The following PCDHGA9 variants were observed in gnomAD, a reference collection of about 807,000 sequenced individuals.
PCDHGA9 encodes protocadherin gamma subfamily A, 9.
Under a neutral mutation model 62.5 loss-of-function variants are expected in PCDHGA9, and 37 were observed. The observed-to-expected ratio is 0.59, with a 90% CI of 0.46 to 0.78. The LOEUF is 0.78. PCDHGA9 is among the 30% of genes least tolerant of loss of function. PCDHGA9 has a pLI of 0.00. For synonymous variants in PCDHGA9, 459 were observed against 484.6 expected (o/e 0.95, Z 0.69); for missense variants, 1,138 against 1,166.2 (o/e 0.98, Z 0.35).
intron 1 of PCDHGA9, among the ~76,000 whole-genome samples, chr5:141,492,394 G>C (rs2099740158): frequency 6.6e-6 from 1 of 152,220 alleles, no homozygotes; most frequent in African/African-American, 2.4e-5. Context: ...CGGTCCACTC[G>C]CAGCTCCCCT....
intron 1 of PCDHGA9, among the ~76,000 whole-genome samples, chr5:141,454,476 A>G (rs918910449): frequency 6.6e-6 from 1 of 151,806 alleles, no homozygotes; most frequent in Non-Finnish European, 1.5e-5. Flanking sequence ...GCATGATCTC[A>G]GCTCACCGCA....
chr5:141,473,680 C>T (rs888876529), intron 1 of PCDHGA9, among the ~76,000 whole-genome samples: 3 of 152,100 alleles, frequency 2.0e-5, no homozygotes, highest in Non-Finnish European at 2.9e-5. Flanking sequence ...CAGGGAAGGG[C>T]TGGGGTTCTG....
chr5:141,487,033 A>T lies in PCDHGA9; in HGVS notation c.2425-7774A>T, dbSNP rs1465525110. ...AGGCCCCAGATCCCAGCCTGTTTGC[A>T]GTCTCTCGATATGCTGGGGAGGTGC... On this transcript the variant is annotated intron_variant, in intron 1 of 3. Coordinates refer to ENST00000573521, the MANE Select transcript of PCDHGA9 (RefSeq NM_018921.3). This position sits in a 1 kb window ranked among gnomAD's most constrained non-coding sequence, Gnocchi z 5.0. The T allele has an allele frequency of 6.2e-7, 1 of 1,614,042 alleles. No homozygotes were observed. The highest frequency in any genetic ancestry group is 8.5e-7 in the Non-Finnish European group (1 of 1,180,040).
At chr5:141,408,632 G>C (rs2154540395) in intron 1 of PCDHGA9, 3 of 1,613,952 alleles carry the variant, frequency 1.9e-6, no homozygotes, top group Non-Finnish European at 1.7e-6. Flanking sequence ...AGAAATTTTC[G>C]AATCTGCATC....
intron 1 of PCDHGA9, chr5:141,409,515 T>C (rs1273041163): frequency 5.0e-6 from 8 of 1,613,844 alleles, no homozygotes; most frequent in Non-Finnish European, 6.8e-6. Context: ...AGTAGAAGCA[T>C]CACCTTGTAT....
At chr5:141,467,055 C>CTTTTTTTTTTTT (rs1193465269) in intron 1 of PCDHGA9, among the ~76,000 whole-genome samples, 1 of 134,498 alleles carries the variant, frequency 7.4e-6, no homozygotes. Context: ...TCAATGTTTT[C>CTTTTTTTTTTTT]TTTTTTTTTT....
Position 141,404,943 on chromosome 5 carries a change from T to C in PCDHGA9, c.1991T>C (p.Ile664Thr). 2 of 1,613,914 alleles carry C rather than the reference T, an allele frequency of 1.2e-6. No homozygotes were observed. Among genetic ancestry groups the C allele is most frequent in the Non-Finnish European group, 8.5e-7 (1 of 1,179,864 alleles). Residue 664 changes from isoleucine (I) to threonine (T), a missense_variant, in exon 1 of 4, where the codon ATA becomes ACA. By Grantham distance (89) the Ile-to-Thr change is moderately conservative. Transcript: ENST00000573521. ...GCCACTGTCACGCTCACAGTAGCCA[T>C]AGCTGACAGCATCCCAGACATCCTG... Reference protein sequence around the residue: ...LSATVTLTVAIADSIPDILAD... With the variant: ...LSATVTLTVATADSIPDILAD...
intron 1 of PCDHGA9, chr5:141,409,727 G>A (rs1000014772): frequency 6.2e-7 from 1 of 1,613,158 alleles, no homozygotes; most frequent in South Asian, 1.1e-5. Context: ...GTCAGTGAGC[G>A]CGCAGAGCGG....
In PCDHGA9 at chr5:141,489,801, T is replaced by C. The variant is rs201458939; in HGVS notation, c.2425-5006T>C. 6.2e-7 allele frequency: 1 copy of C among 1,614,148 alleles called. No homozygotes were observed. On this transcript the variant is annotated intron_variant, in intron 1 of 3. Coordinates refer to ENST00000573521, the MANE Select transcript of PCDHGA9 (RefSeq NM_018921.3). The surrounding 1 kb of genome is among the most constrained non-coding windows in gnomAD (Gnocchi z 4.5). The stretch of plus-strand genomic sequence containing the variant: ...CTCTGAATGTGAAGACCCTAAAAGA[T>C]GGGAAGCCATTCCCAGAGCTGGTGC...
chr5:141,416,532 A>T (rs3806830), intron 1 of PCDHGA9: 1 of 152,142 alleles, frequency 6.6e-6, no homozygotes, highest in Non-Finnish European at 1.5e-5. Context: ...TCTTTAATGT[A>T]TAAGGAGGCA....
Position 141,477,898 on chromosome 5 carries a change from A to G in PCDHGA9, c.2425-16909A>G. 1 of 1,614,158 alleles carries G rather than the reference A, an allele frequency of 6.2e-7. No homozygotes were observed. Among genetic ancestry groups the G allele is most frequent in the Middle Eastern group, 1.6e-4 (1 of 6,062 alleles). ...CTGGCCACCTAGTGTCACGGGTGGTAGGCTGGGACGCGGATGCAGGGCACA... is the reference window on the plus strand; with the variant it reads ...CTGGCCACCTAGTGTCACGGGTGGTGGGCTGGGACGCGGATGCAGGGCACA... On this transcript the variant is annotated intron_variant, in intron 1 of 3. Coordinates refer to ENST00000573521, the MANE Select transcript of PCDHGA9 (RefSeq NM_018921.3). This position sits in a 1 kb window ranked among gnomAD's most constrained non-coding sequence, Gnocchi z 4.9.
At chr5:141,437,654 A>C (rs185455660) in intron 1 of PCDHGA9, among the ~76,000 whole-genome samples, 1 of 152,256 alleles carries the variant, frequency 6.6e-6, no homozygotes, top group African/African-American at 2.4e-5. Context: ...GCAAACACAT[A>C]GTTTCGAAGA....
intron 1 of PCDHGA9, among the ~76,000 whole-genome samples, chr5:141,430,143 A>C (rs1451633366): frequency 2.0e-5 from 3 of 152,180 alleles, no homozygotes; most frequent in Non-Finnish European, 4.4e-5. Flanking sequence ...TCCATTCAGG[A>C]TCATTCAAGG....
chr5:141,469,376 A>T (rs572466149), intron 1 of PCDHGA9, among the ~76,000 whole-genome samples: 1 of 152,232 alleles, frequency 6.6e-6, no homozygotes, highest in East Asian at 1.9e-4. Flanking sequence ...AGAGATCGAG[A>T]CCATCCTGGC....
At chr5:141,414,363 T>C in intron 1 of PCDHGA9, 3 of 1,613,910 alleles carry the variant, frequency 1.9e-6, no homozygotes, top group Non-Finnish European at 1.7e-6. Context: ...ATCTACCATT[T>C]AAATTAGAAA....
At chr5:141,467,360 C>T (rs965838962) in intron 1 of PCDHGA9, among the ~76,000 whole-genome samples, 3 of 152,010 alleles carry the variant, frequency 2.0e-5, no homozygotes, top group Non-Finnish European at 4.4e-5. Context: ...GCCAAATCAA[C>T]GTTTTCTTAT....
intron 1 of PCDHGA9, among the ~76,000 whole-genome samples, chr5:141,438,633 T>C (rs1222106413): frequency 2.9e-5 from 1 of 34,046 alleles, no homozygotes; most frequent in Non-Finnish European, 5.1e-5. Context: ...TATATATATA[T>C]ATACACACAC....
At chr5:141,495,257 A>T (rs1411983517) in intron 2 of PCDHGA9, among the ~76,000 whole-genome samples, 1 of 152,200 alleles carries the variant, frequency 6.6e-6, no homozygotes, top group Non-Finnish European at 1.5e-5. Context: ...CTCAGGCAGA[A>T]AAGCATTTGA....
chr5:141,424,353 T>C (rs923306479), intron 1 of PCDHGA9: 1 of 152,246 alleles, frequency 6.6e-6, no homozygotes, highest in African/African-American at 2.4e-5. Flanking sequence ...GGAGATAAAA[T>C]TTAGATCACA....
Sources: allele counts gnomAD v4.1 joint callset (sites outside exome capture counted in the v4.1 genomes callset), GRCh38; gene constraint gnomAD v4.1.1; non-coding constraint Gnocchi (gnomAD v3.1); transcripts MANE v1.5; gene names NCBI Gene and HGNC (gene_info 2026-07-23, HGNC 2026-07-21).